ESRRG: variants seen among roughly 807,000 people sequenced by gnomAD.
The protein encoded by ESRRG is estrogen related receptor gamma, also known as estrogen-related receptor gamma.
ESRRG carries 13 observed loss-of-function variants against 44.0 expected under a neutral mutation model. The observed-to-expected ratio is 0.30, with a 90% CI of 0.19 to 0.47. The LOEUF (loss-of-function observed/expected upper bound fraction) is 0.47. ESRRG is among the 20% of genes least tolerant of loss of function. The probability of loss-of-function intolerance (pLI) is 1.00; values close to 1 mark genes in which losing one functional copy is unlikely to be tolerated. For missense variants in ESRRG, 395 were observed against 580.6 expected (o/e 0.68, Z 3.29); for synonymous variants, 215 against 214.6 (o/e 1.00, Z -0.02).
chr1:216,629,186 C>T (rs952210264), intron 3 of ESRRG, among the ~76,000 whole-genome samples: 1 of 152,072 alleles, frequency 6.6e-6, no homozygotes, highest in African/African-American at 2.4e-5. Flanking sequence ...CCACTTGGAA[C>T]AAGAGATGGT....
At chr1:216,970,545 T>C (rs2071431385) in intron 1 of ESRRG, among the ~76,000 whole-genome samples, 1 of 152,202 alleles carries the variant, frequency 6.6e-6, no homozygotes, top group Admixed American at 6.5e-5. Context: ...TTCTCTCTGG[T>C]CCTCACACCT....
intron 1 of ESRRG, among the ~76,000 whole-genome samples, chr1:216,694,094 G>C (rs577726497): frequency 1.3e-5 from 2 of 152,302 alleles, no homozygotes; most frequent in South Asian, 4.1e-4. Flanking sequence ...GGAAGGCCTG[G>C]TTTTGAGTTC....
rs1352252991 is a variant in ESRRG at position 216,503,723 on chromosome 1, T to C, written c.*3216A>G. ...AGCAGTTTTAAATTTTTTATATCTTTTATGTTATCATTTAAATGCAAAATA... is the reference window on the plus strand; with the variant it reads ...AGCAGTTTTAAATTTTTTATATCTTCTATGTTATCATTTAAATGCAAAATA... On this transcript the variant is annotated 3_prime_UTR_variant, in exon 7 of 7. Transcript: ENST00000408911. 6.6e-6 allele frequency: 1 copy of C among 152,574 alleles called. No individual in the cohort carries two copies. Among genetic ancestry groups the C allele is most frequent in the Admixed American group, 6.5e-5 (1 of 15,272 alleles). The allele number at this position is 152,574 out of a possible 1,614,324, so 9.5% of individuals were successfully genotyped here. A position where few individuals can be genotyped will look rare whatever the true frequency, so the allele number is the denominator to read the frequency against.
intron 2 of ESRRG, among the ~76,000 whole-genome samples, chr1:216,740,693 T>C (rs372614190): frequency 3.3e-4 from 50 of 151,618 alleles, no homozygotes; most frequent in African/African-American, 1.2e-3. Flanking sequence ...TAGATGCTTG[T>C]GGAGAAATAA....
upstream of ESRRG, among the ~76,000 whole-genome samples, chr1:216,727,331 A>T (rs1054638970): frequency 2.0e-5 from 3 of 152,168 alleles, no homozygotes; most frequent in African/African-American, 7.2e-5. Flanking sequence ...GCAAAAAGCA[A>T]ACCAAGACAA....
intron 3 of ESRRG, among the ~76,000 whole-genome samples, chr1:216,586,778 T>C (rs962028173): frequency 6.6e-6 from 1 of 151,990 alleles, no homozygotes; most frequent in South Asian, 2.1e-4. Flanking sequence ...GGTTTCACCA[T>C]GTTGGTCAGG....
At chr1:216,945,197 G>A (rs927428245) in intron 1 of ESRRG, among the ~76,000 whole-genome samples, 3 of 152,062 alleles carry the variant, frequency 2.0e-5, no homozygotes, top group African/African-American at 7.2e-5. Context: ...AAACAAAAGG[G>A]GAGGGAAAAG....
At chr1:217,113,805 C>A (rs2092687202) in intron 1 of ESRRG, among the ~76,000 whole-genome samples, 1 of 152,064 alleles carries the variant, frequency 6.6e-6, no homozygotes, top group South Asian at 2.1e-4. Flanking sequence ...GCTTGGGCAA[C>A]ATAGTGAGAC....
At chr1:216,626,490 C>T (rs558926199) in intron 3 of ESRRG, among the ~76,000 whole-genome samples, 14 of 152,332 alleles carry the variant, frequency 9.2e-5, no homozygotes, top group Admixed American at 2.0e-4. Context: ...GCTCCACTAT[C>T]GCACTTCCAA....
chr1:216,873,242 A>C (rs1252824722), intron 2 of ESRRG, among the ~76,000 whole-genome samples: 1 of 92,518 alleles, frequency 1.1e-5, no homozygotes, highest in African/African-American at 4.8e-5. Context: ...ACAGAGTTTC[A>C]CTGTTGTCGC....
Position 216,876,976 on chromosome 1 carries a change from ATGTGTG to A in ESRRG, c.-14+62600_-14+62605del, listed in dbSNP as rs61039286. Among the ~76,000 whole-genome samples the A allele has an allele frequency of 4.0e-3, 585 of 145,446 alleles. 3 individuals carry two copies. The highest frequency in any genetic ancestry group is 0.01 in the African/African-American group (409 of 39,502). On this transcript the variant is annotated intron_variant, in intron 2 of 7. Coordinates refer to the ESRRG transcript ENST00000359162. ...GTCTGATTCGAGAATCTCTTCACTA[ATGTGTG>A]TGTGTGTGTGTGTGTGTGTGTGTGT...
At chr1:216,527,011 G>A (rs146503984) in intron 5 of ESRRG, among the ~76,000 whole-genome samples, 1 of 152,144 alleles carries the variant, frequency 6.6e-6, no homozygotes, top group African/African-American at 2.4e-5. Flanking sequence ...AAATCAACTA[G>A]TATTTAGAGT....
At chr1:217,000,604 T>C (rs2150639158) in intron 1 of ESRRG, 1 of 152,352 alleles carries the variant, frequency 6.6e-6, no homozygotes, top group Admixed American at 6.5e-5. Flanking sequence ...GGATACACAA[T>C]TCAACCCACA....
At chr1:217,042,103 A>G (rs1463351750) in intron 1 of ESRRG, among the ~76,000 whole-genome samples, 1 of 152,228 alleles carries the variant, frequency 6.6e-6, no homozygotes, top group Non-Finnish European at 1.5e-5. Flanking sequence ...TGCTCTAACC[A>G]TAGATACGTA....
At chr1:216,850,517 A>T (rs866462388) in intron 2 of ESRRG, among the ~76,000 whole-genome samples, 1 of 152,096 alleles carries the variant, frequency 6.6e-6, no homozygotes, top group Non-Finnish European at 1.5e-5. Context: ...CCATGTCTGG[A>T]AACAGGCTAA....
At chr1:216,826,763 G>A (rs531285551) in intron 2 of ESRRG, among the ~76,000 whole-genome samples, 1 of 152,224 alleles carries the variant, frequency 6.6e-6, no homozygotes, top group Admixed American at 6.5e-5. Context: ...TGATCCCAGA[G>A]TCTTTAGCTA....
At chr1:216,599,809 A>G (rs1000271979) in intron 3 of ESRRG, among the ~76,000 whole-genome samples, 1 of 151,464 alleles carries the variant, frequency 6.6e-6, no homozygotes, top group African/African-American at 2.4e-5. Flanking sequence ...TTCATGGAGG[A>G]GGAGAATTAA....
intron 1 of ESRRG, among the ~76,000 whole-genome samples, chr1:217,103,656 T>G (rs1163684346): frequency 2.0e-5 from 2 of 99,832 alleles, no homozygotes; most frequent in Non-Finnish European, 4.3e-5. Flanking sequence ...AGACTCTGCC[T>G]CCAAAAAATA....
At chr1:216,899,502 T>C (rs1300988016) in intron 2 of ESRRG, among the ~76,000 whole-genome samples, 19 of 152,204 alleles carry the variant, frequency 1.2e-4, no homozygotes, top group Admixed American at 1.2e-3. Context: ...ACTTCATTTA[T>C]GTTTTGCAAT....
Sources: gnomAD v4.1 joint callset for allele counts (sites outside exome capture counted in the v4.1 genomes callset) on GRCh38, gnomAD v4.1.1 for gene constraint, MANE v1.5 for transcripts, NCBI Gene and HGNC (gene_info 2026-07-23, HGNC 2026-07-21) for gene names.